Variants in MINK1 observed in about 807,000 individuals in gnomAD.
The protein encoded by MINK1 is misshapen like kinase 1.
A neutral mutation model predicts 178.4 loss-of-function variants in MINK1; 46 were observed. That is an observed-to-expected ratio of 0.26 (90% CI 0.20 to 0.33). The LOEUF (loss-of-function observed/expected upper bound fraction) is 0.33. Ranked by LOEUF, MINK1 falls within the 10% of genes least tolerant of loss-of-function variation. MINK1 has a pLI of 1.00. For missense variants in MINK1, 1,366 were observed against 1,814.9 expected (o/e 0.75, Z 4.49); for synonymous variants, 797 against 709.7 (o/e 1.12, Z -1.96).
chr17:4,881,095 G>A, intron 3 of MINK1, 37 bp from the exon 4 acceptor site: 2 of 1,536,766 alleles, frequency 1.3e-6, no homozygotes, highest in East Asian at 2.4e-5. Context: ...GGGAGTGTTG[G>A]GGGAGTCTCA....
At chr17:4,884,216 C>T in intron 4 of MINK1, 147 bp from the exon 5 acceptor site, 1 of 626,264 alleles carries the variant, frequency 1.6e-6, no homozygotes, top group Non-Finnish European at 2.9e-6. Flanking sequence ...CTTTGTGAGG[C>T]TTCTGTGGCC....
At chr17:4,880,861 C>G in intron 2 of MINK1, 123 bp from the exon 3 acceptor site, 2 of 939,724 alleles carry the variant, frequency 2.1e-6, no homozygotes, top group Non-Finnish European at 3.0e-6. Context: ...GATCGCGCCA[C>G]TGCACTCTAG....
chr17:4,871,643 A>C (rs1432326659), intron 1 of MINK1, among the ~76,000 whole-genome samples: 1 of 152,166 alleles, frequency 6.6e-6, no homozygotes, highest in Non-Finnish European at 1.5e-5. Flanking sequence ...ATCCATCTAC[A>C]TATTTTTGTG....
chr17:4,895,573 A>G lies in MINK1; in HGVS notation c.3229+80A>G. 6.5e-7 allele frequency: 1 copy of G among 1,545,784 alleles called. No homozygotes were observed. The highest frequency in any genetic ancestry group is 8.8e-7 in the Non-Finnish European group (1 of 1,142,624). On this transcript the variant is annotated intron_variant, in intron 26 of 31. Transcript: ENST00000355280. The surrounding 1 kb of genome is among the most constrained non-coding windows in gnomAD (Gnocchi z 4.3). ...ACCATCTTCTGCCTGGGAGGAGGGC[A>G]GGCACTGGAAGGTGGGGCCACACTT... is the stretch of plus-strand genomic sequence containing the variant.
At position 4,847,082 on chromosome 17, in the gene MINK1, A is replaced by C. The variant is rs559028269; in HGVS notation, c.57+13442A>C. The C allele has an allele frequency of 6.7e-6, 3 of 446,618 alleles. No homozygotes were observed. In the East Asian group the frequency reaches 2.1e-4, roughly 32 times the overall value. The allele number at this position is 446,618 out of a possible 1,614,324, so 27.7% of individuals were successfully genotyped here. ...CCTGTCCTGGCCTCATAACCTCCTCAGGTGGCCCAAATTGCCTATCTCTAA... is the reference window on the plus strand; with the variant it reads ...CCTGTCCTGGCCTCATAACCTCCTCCGGTGGCCCAAATTGCCTATCTCTAA... On this transcript the variant is annotated intron_variant, in intron 1 of 31. Coordinates refer to ENST00000355280, the MANE Select transcript of MINK1 (RefSeq NM_153827.5).
Position 4,893,330 on chromosome 17 carries a change from T to C in MINK1, c.2401-104T>C, listed in dbSNP as rs555576630. The C allele has an allele frequency of 1.9e-5, 30 of 1,613,542 alleles. No homozygotes were observed. The South Asian group carries it at 3.0e-4, about 16-fold the overall frequency. On this transcript the variant is annotated intron_variant, in intron 20 of 31. Coordinates refer to ENST00000355280, the MANE Select transcript of MINK1 (RefSeq NM_153827.5). ...GTGAGGTTAGTGAGATGGGCCTGCT[T>C]GTGGGAGCCCCTCCTGTCGCCCTGC...
chr17:4,894,013 A>C lies in MINK1; in HGVS notation c.2590A>C (p.Ser864Arg). 1 of 1,589,670 alleles carries C rather than the reference A, an allele frequency of 6.3e-7. No individual in the cohort carries two copies. The highest frequency in any genetic ancestry group is 8.6e-7 in the Non-Finnish European group (1 of 1,167,558). ...CAGCGATGGGGATACAGACAGCGTC[A>C]GCACCATGGTGGTCCACGACGTCGA... ...GRSDGDTDSV[S>R]TMVVHDVEEI... The change falls in exon 22 of 32, where the codon AGC (serine) becomes CGC (arginine). Residue 864 changes from serine (S) to arginine (R), a missense_variant. This residue lies in a region of MINK1 where 709 missense variants were observed against 692.3 expected (regional missense o/e 1.02). Coordinates refer to ENST00000355280, the MANE Select transcript of MINK1 (RefSeq NM_153827.5). This position sits in a 1 kb window ranked among gnomAD's most constrained non-coding sequence, Gnocchi z 4.1.
intron 1 of MINK1, among the ~76,000 whole-genome samples, chr17:4,861,267 AGAGAC>A (rs1235633688): frequency 6.6e-6 from 1 of 152,214 alleles, no homozygotes; most frequent in East Asian, 1.9e-4. Flanking sequence ...CGGAGCTGCG[AGAGAC>A]GAGACATCTA....
chr17:4,893,998 G>T lies in MINK1; in HGVS notation c.2575G>T (p.Asp859Tyr), dbSNP rs759176809. 1.9e-6 allele frequency: 3 copies of T among 1,584,764 alleles called. No individual in the cohort carries two copies. In the South Asian group the frequency reaches 3.4e-5, roughly 18 times the overall value. Reference protein sequence around the residue: ...RDTPGGRSDGDTDSVSTMVVH... With the variant: ...RDTPGGRSDGYTDSVSTMVVH... Reference sequence around the variant, plus strand: ...CTTCCTCTCTCACAGCAGCGATGGGGATACAGACAGCGTCAGCACCATGGT... The same window carrying T: ...CTTCCTCTCTCACAGCAGCGATGGGTATACAGACAGCGTCAGCACCATGGT... Residue 859 changes from aspartate (D) to tyrosine (Y), a missense_variant, in exon 22 of 32, where the codon GAT becomes TAT. This residue lies in a region of MINK1 where 709 missense variants were observed against 692.3 expected (regional missense o/e 1.02). Coordinates refer to ENST00000355280, the MANE Select transcript of MINK1 (RefSeq NM_153827.5).
At position 4,851,292 on chromosome 17, in the gene MINK1, C is replaced by CTCCA. The variant is rs1410704334; in HGVS notation, c.57+17653_57+17656dup. The stretch of plus-strand genomic sequence containing the variant: ...GGCCTGGGTAGATAAGGAAAAGAAC[C>CTCCA]TCCAAGAGGTTAAGTGATTTGCGGA... On this transcript the variant is annotated intron_variant, in intron 1 of 31. Coordinates refer to ENST00000355280, the MANE Select transcript of MINK1 (RefSeq NM_153827.5). 3.3e-5 allele frequency among the ~76,000 whole-genome samples: 5 copies of CTCCA among 152,140 alleles called. No homozygotes were observed. The East Asian group carries it at 9.6e-4, about 29-fold the overall frequency.
chr17:4,885,063 GC>G lies in MINK1; in HGVS notation c.508+65del, dbSNP rs951631938. On this transcript the variant is annotated intron_variant, in intron 6 of 31. Coordinates refer to ENST00000355280, the MANE Select transcript of MINK1 (RefSeq NM_153827.5). This position sits in a 1 kb window ranked among gnomAD's most constrained non-coding sequence, Gnocchi z 5.0. Reference sequence around the variant, plus strand: ...TCACCTCCAGAACAGAGAATGAGGGGCCCCTTTTTCTCTCTGGTGGCTCAGG... The same window carrying G: ...TCACCTCCAGAACAGAGAATGAGGGGCCCTTTTTCTCTCTGGTGGCTCAGG... 2.8e-5 allele frequency: 43 copies of G among 1,548,870 alleles called. No individual in the cohort carries two copies. In the Admixed American group the frequency reaches 4.0e-4, roughly 15 times the overall value.
intron 1 of MINK1, among the ~76,000 whole-genome samples, chr17:4,874,001 C>T (rs1173609226): frequency 6.6e-6 from 1 of 152,088 alleles, no homozygotes; most frequent in Non-Finnish European, 1.5e-5. Flanking sequence ...AATACTTGCA[C>T]AGAGGCACAC....
At position 4,885,659 on chromosome 17, in the gene MINK1, A is replaced by G. The variant is rs1968134553; in HGVS notation, c.639+46A>G. 1 of 1,610,974 alleles carries G rather than the reference A, an allele frequency of 6.2e-7. No individual in the cohort carries two copies. The highest frequency in any genetic ancestry group is 1.3e-5 in the African/African-American group (1 of 74,862). ...AGCATGGGGGCTGCCAAGGGCGGGA[A>G]GCAATATGGGGACCACGGGGCCTGA... is the stretch of plus-strand genomic sequence containing the variant. On this transcript the variant is annotated intron_variant, in intron 7 of 31. Transcript: ENST00000355280. This position sits in a 1 kb window ranked among gnomAD's most constrained non-coding sequence, Gnocchi z 5.0.
In MINK1 at chr17:4,893,454, G is replaced by A; in HGVS notation, c.2421G>A (p.Glu807=). 5 of 1,594,184 alleles carry A rather than the reference G, an allele frequency of 3.1e-6. No individual in the cohort carries two copies. The highest frequency in any genetic ancestry group is 3.4e-6 in the Non-Finnish European group (4 of 1,164,272). Residue 807 remains glutamate, a synonymous_variant, in exon 21 of 32, where the codon GAG becomes GAA. Transcript: ENST00000355280. ...GRPADFVLLK[E]RTLDEAPRPP... ...TGCAGGACTTTGTGTTGCTGAAAGA[G>A]CGGACTCTGGACGAGGCCCCTCGGC...
At chr17:4,865,922 T>A (rs1414532453) in intron 1 of MINK1, among the ~76,000 whole-genome samples, 1 of 152,036 alleles carries the variant, frequency 6.6e-6, no homozygotes, top group Non-Finnish European at 1.5e-5. Context: ...TGGGTTTGTG[T>A]CATCTGAGAT....
chr17:4,847,752 G>C (rs114792957), intron 1 of MINK1, among the ~76,000 whole-genome samples: 1 of 152,156 alleles, frequency 6.6e-6, no homozygotes, highest in Non-Finnish European at 1.5e-5. Flanking sequence ...TGGCCAGGGC[G>C]GGTGGTGTCT....
rs376364419 is a variant in MINK1, at chr17:4,892,458, C to T, written c.2144C>T (p.Thr715Ile). The T allele has an allele frequency of 6.4e-6, 10 of 1,566,208 alleles. No homozygotes were observed. Among genetic ancestry groups the T allele is most frequent in the African/African-American group, 2.7e-5 (2 of 73,566 alleles). Residue 715 changes from threonine to isoleucine, a missense_variant, in exon 18 of 32, where the codon ACC becomes ATC. By Grantham distance (89) the Thr-to-Ile change is moderately conservative (BLOSUM62 -1). This residue lies in a region of MINK1 where 709 missense variants were observed against 692.3 expected (regional missense o/e 1.02). Transcript: ENST00000355280. Reference protein sequence around the residue: ...IYLQRRAERGTPKPPGPPAQP... With the variant: ...IYLQRRAERGIPKPPGPPAQP... ...CTGCAAAGGCGGGCAGAGCGGGGCA[C>T]CCCAAAGCCTCCAGGGCCCCCTGCT...
At chr17:4,837,528 A>G (rs1392630622) in intron 1 of MINK1, among the ~76,000 whole-genome samples, 2 of 152,350 alleles carry the variant, frequency 1.3e-5, no homozygotes, top group African/African-American at 2.4e-5. Flanking sequence ...CTTGAAGTAA[A>G]GTTAGGATCA....
At chr17:4,893,759 T>G in intron 21 of MINK1, 162 bp downstream of exon 21, 2 of 1,142,780 alleles carry the variant, frequency 1.8e-6, no homozygotes. Flanking sequence ...CCCGCTGCCC[T>G]GTGTGTTGTG....
Sources: gnomAD v4.1 joint callset for allele counts (sites outside exome capture counted in the v4.1 genomes callset) on GRCh38, gnomAD v4.1.1 for gene constraint, gnomAD v4.1.1 regional missense constraint, Gnocchi (gnomAD v3.1) non-coding constraint, MANE v1.5 for transcripts, NCBI Gene and HGNC (gene_info 2026-07-23, HGNC 2026-07-21) for gene names.